RORA: variants seen among roughly 807,000 people sequenced by gnomAD.
RORA encodes the protein nuclear receptor ROR-alpha.
RORA carries 7 observed loss-of-function variants against 69.5 expected under a neutral mutation model. The observed-to-expected ratio is 0.10, with a 90% CI of 0.06 to 0.19. The LOEUF is 0.19. RORA is among the 10% of genes least tolerant of loss of function. The pLI is 1.00. For missense variants in RORA, 457 were observed against 663.0 expected (o/e 0.69, Z 3.41); for synonymous variants, 261 against 240.8 (o/e 1.08, Z -0.78).
At chr15:60,963,389 T>C (rs928705188) in intron 1 of RORA, among the ~76,000 whole-genome samples, 4 of 152,060 alleles carry the variant, frequency 2.6e-5, no homozygotes, top group African/African-American at 9.7e-5. Context: ...ATAGCAGAGA[T>C]GAGGAATGAT....
intron 2 of RORA, among the ~76,000 whole-genome samples, chr15:60,615,414 G>C (rs1433174972): frequency 6.6e-6 from 1 of 152,204 alleles, no homozygotes; most frequent in Non-Finnish European, 1.5e-5. Flanking sequence ...TGTAAAATGA[G>C]AAGGGGAGGG....
intron 2 of RORA, among the ~76,000 whole-genome samples, chr15:60,579,545 G>A (rs975105654): frequency 6.6e-6 from 1 of 152,132 alleles, no homozygotes; most frequent in African/African-American, 2.4e-5. Context: ...GATTTCATCA[G>A]CATTTTCTCC....
chr15:60,911,069 ATTTTTTTTTTTTTTTTT>A (rs528370848), intron 1 of RORA, among the ~76,000 whole-genome samples: 29 of 89,682 alleles, frequency 3.2e-4, no homozygotes, highest in Non-Finnish European at 4.6e-4. Flanking sequence ...TGCCCAGCTA[ATTTTTTTTTTTTTTTTT>A]TTTTTTTTTT....
chr15:60,507,688 T>G (rs1239557220), intron 5 of RORA, among the ~76,000 whole-genome samples: 1 of 152,126 alleles, frequency 6.6e-6, no homozygotes, highest in Non-Finnish European at 1.5e-5. Flanking sequence ...ACTACCTCTT[T>G]TGGAAAGAAC....
intron 1 of RORA, among the ~76,000 whole-genome samples, chr15:61,048,979 G>A (rs916209769): frequency 3.9e-5 from 6 of 152,084 alleles, no homozygotes; most frequent in Non-Finnish European, 5.9e-5. Flanking sequence ...GACTATCCAC[G>A]AATCCTTACT....
intron 1 of RORA, among the ~76,000 whole-genome samples, chr15:60,815,429 C>T (rs78362976): frequency 0.072 from 10,907 of 152,026 alleles, 535 homozygotes; most frequent in Admixed American, 0.13. Flanking sequence ...CTTAAAACAG[C>T]GCCTGGCCAA....
At chr15:60,913,006 C>G (rs1304818802) in intron 1 of RORA, among the ~76,000 whole-genome samples, 1 of 152,124 alleles carries the variant, frequency 6.6e-6, no homozygotes, top group Non-Finnish European at 1.5e-5. Flanking sequence ...GTTTTAGAAA[C>G]AAGTTCAATT....
chr15:60,962,555 G>A (rs922525169), intron 1 of RORA, among the ~76,000 whole-genome samples: 5 of 152,196 alleles, frequency 3.3e-5, no homozygotes, highest in African/African-American at 1.2e-4. Context: ...TAGAGTTCTA[G>A]TCGAGGCTGG....
At chr15:60,703,985 T>C (rs1351838754) in intron 1 of RORA, among the ~76,000 whole-genome samples, 1 of 152,250 alleles carries the variant, frequency 6.6e-6, no homozygotes, top group Non-Finnish European at 1.5e-5. Context: ...GTCTTTTCCA[T>C]AATTGTTATA....
intron 1 of RORA, among the ~76,000 whole-genome samples, chr15:60,868,809 G>T (rs538425451): frequency 6.6e-6 from 1 of 152,116 alleles, no homozygotes; most frequent in East Asian, 1.9e-4. Flanking sequence ...TTCCAGGGGG[G>T]AAAAACACTC....
chr15:61,115,761 G>C (rs1482444427), intron 1 of RORA, among the ~76,000 whole-genome samples: 3 of 152,142 alleles, frequency 2.0e-5, no homozygotes, highest in Non-Finnish European at 4.4e-5. Flanking sequence ...AACAATGTGG[G>C]CACCAGAACT....
chr15:60,603,284 A>T (rs913550868), intron 2 of RORA, among the ~76,000 whole-genome samples: 12 of 152,226 alleles, frequency 7.9e-5, no homozygotes, highest in African/African-American at 2.9e-4. Flanking sequence ...ATACCTAGGA[A>T]TGGGACTGTT....
chr15:60,936,745 C>T (rs116185492), intron 1 of RORA, among the ~76,000 whole-genome samples: 193 of 152,314 alleles, frequency 1.3e-3, no homozygotes, highest in African/African-American at 4.4e-3. Context: ...GAATTAAGTA[C>T]CTCTTAGCTA....
intron 1 of RORA, among the ~76,000 whole-genome samples, chr15:60,819,078 T>C (rs1333022359): frequency 1.3e-5 from 2 of 152,252 alleles, no homozygotes; most frequent in South Asian, 2.1e-4. Context: ...TCTGGTTTTC[T>C]ACATCTAAAT....
intron 1 of RORA, among the ~76,000 whole-genome samples, chr15:61,177,241 G>C (rs866296679): frequency 6.1e-4 from 93 of 152,316 alleles, no homozygotes; most frequent in African/African-American, 2.2e-3. Flanking sequence ...ATCCAAGTGA[G>C]CACAAAGGCA....
intron 1 of RORA, among the ~76,000 whole-genome samples, chr15:61,020,814 G>C (rs1895486063): frequency 6.6e-6 from 1 of 152,138 alleles, no homozygotes; most frequent in Non-Finnish European, 1.5e-5. Flanking sequence ...AATTTCCTGA[G>C]GACATTTTAG....
At chr15:60,886,284 G>A (rs947391132) in intron 1 of RORA, among the ~76,000 whole-genome samples, 5 of 152,114 alleles carry the variant, frequency 3.3e-5, no homozygotes, top group African/African-American at 1.2e-4. Context: ...ATAAGAAGAA[G>A]GTTCTAACTC....
At chr15:60,868,600 TGAA>T (rs970241823) in intron 1 of RORA, among the ~76,000 whole-genome samples, 1 of 152,026 alleles carries the variant, frequency 6.6e-6, no homozygotes, top group Non-Finnish European at 1.5e-5. Flanking sequence ...AAACAGCAAA[TGAA>T]GGACTGGATG....
At chr15:60,728,249 T>C (rs2071387886) in intron 1 of RORA, among the ~76,000 whole-genome samples, 1 of 152,220 alleles carries the variant, frequency 6.6e-6, no homozygotes, top group African/African-American at 2.4e-5. Context: ...TCACCCAGGC[T>C]AAAATACTTT....
Sources: gnomAD v4.1 joint callset for allele counts (sites outside exome capture counted in the v4.1 genomes callset) on GRCh38, gnomAD v4.1.1 for gene constraint, MANE v1.5 for transcripts, NCBI Gene and HGNC (gene_info 2026-07-23, HGNC 2026-07-21) for gene names.